The following NPM1 variants were observed in gnomAD, a reference collection of about 807,000 sequenced individuals.
The protein encoded by NPM1 is nucleophosmin.
Under a neutral mutation model 44.1 loss-of-function variants are expected in NPM1, and 1 was observed. The observed-to-expected ratio is 0.02, with a 90% CI of 0.01 to 0.11. The LOEUF (loss-of-function observed/expected upper bound fraction) is 0.11, where lower values mean the gene tolerates loss of function less well. Ranked by LOEUF, NPM1 falls within the 10% of genes least tolerant of loss-of-function variation. NPM1 has a pLI of 1.00. For synonymous variants in NPM1, 126 were observed against 111.8 expected (o/e 1.13, Z -0.80); for missense variants, 197 against 347.8 (o/e 0.57, Z 3.45).
rs764467196 is a variant in NPM1 at position 171,387,927 on chromosome 5, C to T, written c.-22C>T. 448 of 1,609,430 alleles carry T rather than the reference C, an allele frequency of 2.8e-4. 1 individual carries two copies. The highest frequency in any genetic ancestry group is 1.2e-4 in the Non-Finnish European group (141 of 1,177,572). ...TTATCTCCGTCCGCCTTCTCTCCTA[C>T]CTAAGTGCGTGCCGCCACCCGATGG... On this transcript the variant is annotated 5_prime_UTR_variant, in exon 1 of 11. Coordinates refer to ENST00000296930, the MANE Select transcript of NPM1 (RefSeq NM_002520.7).
At chr5:171,405,698 TTGCC>T in intron 9 of NPM1, 1 of 330,086 alleles carries the variant, frequency 3.0e-6, no homozygotes. Flanking sequence ...TGAAAACCCT[TTGCC>T]TATTCTGGTT....
At chr5:171,409,604 A>C (rs1004555079) in intron 10 of NPM1, among the ~76,000 whole-genome samples, 3 of 152,216 alleles carry the variant, frequency 2.0e-5, no homozygotes, top group African/African-American at 7.2e-5. Context: ...CTTGTACCTG[A>C]GAACCCATTG....
chr5:171,392,798 T>A lies in NPM1; in HGVS notation c.441T>A (p.Gly147=), dbSNP rs1175645955. The change falls in exon 5 of 11, where the codon GGT becomes GGA. Residue 147 remains glycine, a synonymous_variant. Coordinates refer to ENST00000296930, the MANE Select transcript of NPM1 (RefSeq NM_002520.7). ...SISGKRSAPG[G]GSKVPQKKVK... ...CTGGAAAGCGGTCTGCCCCTGGAGGTGGTAGCAAGGTTCCACAGGTAGAGA... is the reference window on the plus strand; with the variant it reads ...CTGGAAAGCGGTCTGCCCCTGGAGGAGGTAGCAAGGTTCCACAGGTAGAGA... 3 of 1,613,426 alleles carry A rather than the reference T, an allele frequency of 1.9e-6. No homozygotes were observed. The highest frequency in any genetic ancestry group is 1.3e-5 in the African/African-American group (1 of 74,778).
Position 171,405,409 on chromosome 5 carries a change from T to TA in NPM1, c.771+9dup, listed in dbSNP as rs754225589. On this transcript the variant is annotated splice_region_variant and intron_variant, in intron 9 of 10. Coordinates refer to ENST00000296930, the MANE Select transcript of NPM1 (RefSeq NM_002520.7). ...TGCAAGCAAGTATAGAAAAAGTGAGTAAAGTTATCTTAAAAAAACTTTGTC... is the reference window on the plus strand; with the variant it reads ...TGCAAGCAAGTATAGAAAAAGTGAGTAAAAGTTATCTTAAAAAAACTTTGTC... 2.2e-6 allele frequency: 3 copies of TA among 1,354,242 alleles called. No homozygotes were observed. The South Asian group carries it at 3.7e-5, about 17-fold the overall frequency. The allele number at this position is 1,354,242 out of a possible 1,614,324, so 83.9% of individuals were successfully genotyped here. A position where few individuals can be genotyped will look rare whatever the true frequency, so the allele number is the denominator to read the frequency against.
chr5:171,405,923 C>T (rs10036848), intron 9 of NPM1, among the ~76,000 whole-genome samples: 5,776 of 152,152 alleles, frequency 0.038, 250 homozygotes, highest in African/African-American at 0.1. Context: ...AGCTAGATTT[C>T]GTGAATGACT....
At chr5:171,389,539 GTA>G (rs1770462533) in intron 1 of NPM1, among the ~76,000 whole-genome samples, 1 of 152,196 alleles carries the variant, frequency 6.6e-6, no homozygotes, top group South Asian at 2.1e-4. Context: ...AGTTTGAGGC[GTA>G]TGTCACTTTC....
At chr5:171,406,574 A>G (rs951415138) in intron 9 of NPM1, 25 of 1,436,290 alleles carry the variant, frequency 1.7e-5, no homozygotes, top group Non-Finnish European at 2.1e-5. Context: ...GCTGGAAACA[A>G]TCTCTTGGTT....
intron 4 of NPM1, among the ~76,000 whole-genome samples, chr5:171,392,507 G>A (rs533030641): frequency 3.2e-4 from 49 of 152,014 alleles, no homozygotes; most frequent in African/African-American, 1.2e-3. Flanking sequence ...ACCCTCCCCA[G>A]GCTTCTTGCA....
intron 6 of NPM1, among the ~76,000 whole-genome samples, chr5:171,394,488 G>A (rs556430049): frequency 1.3e-5 from 2 of 152,146 alleles, no homozygotes; most frequent in South Asian, 2.1e-4. Flanking sequence ...TTTTTCTTGA[G>A]ATGGTGTTTT....
intron 1 of NPM1, 31 bp downstream of exon 1, chr5:171,388,037 G>C: frequency 6.8e-7 from 1 of 1,460,564 alleles, no homozygotes; most frequent in Non-Finnish European, 9.5e-7. Context: ...GAGCGAGGCC[G>C]AGCGGGGCCT....
rs751219716 is a variant in NPM1 at position 171,407,729 on chromosome 5, A to G, written c.801A>G (p.Lys267=). The change falls in exon 10 of 11, where the codon AAA becomes AAG. Residue 267 remains lysine (K), a synonymous_variant. Transcript: ENST00000296930. ...KGGSLPKVEA[K]FINYVKNCFR... Reference sequence around the variant, plus strand: ...GTTCTCTTCCCAAAGTGGAAGCCAAATTCATCAATTATGTGAAGAATTGCT... The same window carrying G: ...GTTCTCTTCCCAAAGTGGAAGCCAAGTTCATCAATTATGTGAAGAATTGCT... The G allele has an allele frequency of 1.2e-6, 2 of 1,611,480 alleles. No individual in the cohort carries two copies. Among genetic ancestry groups the G allele is most frequent in the Admixed American group, 1.7e-5 (1 of 59,972 alleles).
intron 6 of NPM1, among the ~76,000 whole-genome samples, chr5:171,398,399 T>G (rs925240324): frequency 6.6e-6 from 1 of 152,214 alleles, no homozygotes; most frequent in African/African-American, 2.4e-5. Flanking sequence ...ATATAGACTT[T>G]GGATGTAGAT....
Position 171,406,660 on chromosome 5 carries a change from T to C in NPM1, c.772-1040T>C, listed in dbSNP as rs912855977. ...GCTTTCTATTACTTGTGCATTTGCC[T>C]CACCTGACAATGTTTTAAATCGCCT... On this transcript the variant is annotated intron_variant, in intron 9 of 10. Transcript: ENST00000296930. 4.6e-6 allele frequency: 6 copies of C among 1,294,630 alleles called. No homozygotes were observed. In the African/African-American group the frequency reaches 6.0e-5, roughly 13 times the overall value. The allele number at this position is 1,294,630 out of a possible 1,614,324, so 80.2% of individuals were successfully genotyped here.
intron 2 of NPM1, 177 bp from the exon 3 acceptor site, chr5:171,391,128 A>G (rs532081687): frequency 1.5e-6 from 1 of 674,650 alleles, no homozygotes; most frequent in South Asian, 1.9e-5. Flanking sequence ...AGGCTATACC[A>G]TCTAGGTTTG....
rs1770411955 is a variant in NPM1 at position 171,388,744 on chromosome 5, A to AT, written c.58+739dup. Among the ~76,000 whole-genome samples, 5 of 152,346 alleles carry AT rather than the reference A, an allele frequency of 3.3e-5. No individual in the cohort carries two copies. In the South Asian group the frequency reaches 1.0e-3, roughly 32 times the overall value. ...GAGGTCTTTGTTCAGTGCTTACAGC[A>AT]TGTACTGTGATGGCAGCTCTCATTT... is the stretch of plus-strand genomic sequence containing the variant. On this transcript the variant is annotated intron_variant, in intron 1 of 10. Coordinates refer to ENST00000296930, the MANE Select transcript of NPM1 (RefSeq NM_002520.7).
rs150257385 is a variant in NPM1 at position 171,400,800 on chromosome 5, G to C, written c.583-39G>C. 274 of 1,329,200 alleles carry C rather than the reference G, an allele frequency of 2.1e-4. No individual in the cohort carries two copies. In the African/African-American group the frequency reaches 3.2e-3, roughly 16 times the overall value. 82.3% of individuals were successfully genotyped at this position (1,329,200 alleles called of 1,614,324 possible). ...GACAGCTTTGTTTGCACTGTTGTTG[G>C]GGTCAGGGACAGTGATTAAGATAAA... is the stretch of plus-strand genomic sequence containing the variant. On this transcript the variant is annotated intron_variant, in intron 7 of 10. Coordinates refer to ENST00000296930, the MANE Select transcript of NPM1 (RefSeq NM_002520.7).
intron 8 of NPM1, among the ~76,000 whole-genome samples, chr5:171,401,626 T>G (rs1771207918): frequency 6.6e-6 from 1 of 152,110 alleles, no homozygotes; most frequent in African/African-American, 2.4e-5. Context: ...TGAGTAGAGA[T>G]GGGGTTTCAC....
Position 171,410,509 on chromosome 5 carries a change from CTT to C in NPM1, c.847-6_847-5del, listed in dbSNP as rs34323200. The C allele has an allele frequency of 1.9e-3, 2,347 of 1,208,560 alleles. No homozygotes were observed. Among genetic ancestry groups the C allele is most frequent in the South Asian group, 5.5e-3 (374 of 68,402 alleles). The allele number at this position is 1,208,560 out of a possible 1,614,324, so 74.9% of individuals were successfully genotyped here. A position where few individuals can be genotyped will look rare whatever the true frequency, so the allele number is the denominator to read the frequency against. On this transcript the variant is annotated splice_polypyrimidine_tract_variant and intron_variant, in intron 10 of 10. Transcript: ENST00000296930. ...GTGTTGTGGTTCCTTAACCACATTT[CTT>C]TTTTTTTTTTTCCAGGCTATTCAAG...
Position 171,405,345 on chromosome 5 carries a change from C to G in NPM1, c.713C>G (p.Pro238Arg). The change falls in exon 9 of 11, where the codon CCA becomes CGA. Residue 238 changes from proline (P) to arginine (R), a missense_variant. This residue lies in a region of NPM1 where 47 missense variants were observed against 106.5 expected (regional missense o/e 0.44). Transcript: ENST00000296930. The stretch of plus-strand genomic sequence containing the variant: ...AAACAGGAAAAAACTCCTAAAACAC[C>G]AAAAGGACCTAGTTCTGTAGAAGAC... The part of the protein sequence containing the change: ...FKKQEKTPKT[P>R]KGPSSVEDIK... 1.3e-6 allele frequency: 2 copies of G among 1,596,490 alleles called. No individual in the cohort carries two copies. The highest frequency in any genetic ancestry group is 1.7e-6 in the Non-Finnish European group (2 of 1,167,780).
Sources: allele counts gnomAD v4.1 joint callset (sites outside exome capture counted in the v4.1 genomes callset), GRCh38; gene constraint gnomAD v4.1.1; regional missense constraint gnomAD v4.1.1; transcripts MANE v1.5; gene names NCBI Gene and HGNC (gene_info 2026-07-23, HGNC 2026-07-21).